DIAPH3: variants seen among roughly 807,000 people sequenced by gnomAD.
DIAPH3 encodes the protein diaphanous related formin 3.
DIAPH3 carries 117 observed loss-of-function variants against 144.3 expected under a neutral mutation model. The observed-to-expected ratio is 0.81, with a 90% CI of 0.70 to 0.95. DIAPH3 has a LOEUF of 0.95. DIAPH3 is among the 40% of genes least tolerant of loss of function. The pLI is 0.00. For synonymous variants in DIAPH3, 519 were observed against 488.9 expected, an observed-to-expected ratio of 1.06 and a Z score of -0.81; for missense variants, 1,421 against 1,412.7, an observed-to-expected ratio of 1.01 and a Z score of -0.09.
chr13:59,769,043 T>A (rs2037991779), intron 27 of DIAPH3, among the ~76,000 whole-genome samples: 1 of 152,056 alleles, frequency 6.6e-6, no homozygotes, highest in African/African-American at 2.4e-5. Context: ...GGAAAAAAAA[T>A]CCCACTGTAC....
chr13:60,000,605 T>A (rs946861652), intron 9 of DIAPH3, among the ~76,000 whole-genome samples: 15 of 152,264 alleles, frequency 9.9e-5, no homozygotes, highest in Admixed American at 5.9e-4. Flanking sequence ...GAACCCTGAA[T>A]GAAATTAAGT....
intron 24 of DIAPH3, among the ~76,000 whole-genome samples, chr13:59,829,331 G>T (rs536889726): frequency 1.3e-5 from 2 of 152,038 alleles, no homozygotes; most frequent in East Asian, 1.9e-4. Context: ...TTTCAAGCTA[G>T]TCCCGTTTGA....
At chr13:60,112,728 A>G (rs2058601525) in intron 2 of DIAPH3, among the ~76,000 whole-genome samples, 1 of 152,192 alleles carries the variant, frequency 6.6e-6, no homozygotes, top group Non-Finnish European at 1.5e-5. Flanking sequence ...GCTGGTCTGT[A>G]TGTGAACTTC....
At chr13:59,776,929 A>AAAAC (rs143031528) in intron 25 of DIAPH3, among the ~76,000 whole-genome samples, 26 of 146,284 alleles carry the variant, frequency 1.8e-4, no homozygotes, top group Admixed American at 4.0e-4. Flanking sequence ...TTAACAAAAC[A>AAAAC]AAACAAACAA....
intron 17 of DIAPH3, among the ~76,000 whole-genome samples, chr13:59,930,259 T>G (rs934714040): frequency 6.6e-6 from 1 of 152,170 alleles, no homozygotes; most frequent in Non-Finnish European, 1.5e-5. Context: ...GATACAATGC[T>G]AGACAAGATA....
At chr13:60,133,871 T>C (rs1031536155) in intron 1 of DIAPH3, among the ~76,000 whole-genome samples, 2 of 152,136 alleles carry the variant, frequency 1.3e-5, no homozygotes, top group Non-Finnish European at 2.9e-5. Flanking sequence ...ATTTTCTAAA[T>C]AGGAAACAAG....
chr13:59,895,445 A>AC (rs1411472092), intron 20 of DIAPH3, among the ~76,000 whole-genome samples: 65 of 115,868 alleles, frequency 5.6e-4, no homozygotes, highest in African/African-American at 3.0e-3. Flanking sequence ...AAAAAAAAAC[A>AC]AAAAAAAAAC....
At chr13:60,010,138 T>C (rs1428057716) in intron 8 of DIAPH3, among the ~76,000 whole-genome samples, 1 of 152,136 alleles carries the variant, frequency 6.6e-6, no homozygotes, top group Non-Finnish European at 1.5e-5. Context: ...AATCGTAATA[T>C]GTTTGCTTTT....
chr13:59,764,107 T>G (rs1832290342), intron 27 of DIAPH3, among the ~76,000 whole-genome samples: 1 of 151,938 alleles, frequency 6.6e-6, no homozygotes, highest in South Asian at 2.1e-4. Flanking sequence ...CATTTCCACT[T>G]TTTTCTCCTT....
rs549918358 is a variant in DIAPH3, at chr13:59,851,780, G to C, written c.2737+9627C>G. 7.3e-5 allele frequency among the ~76,000 whole-genome samples: 11 copies of C among 151,586 alleles called. No individual in the cohort carries two copies. The South Asian group carries it at 1.5e-3, about 20-fold the overall frequency. On this transcript the variant is annotated intron_variant, in intron 22 of 27. Transcript: ENST00000400324. ...TGATATTACACACATGCACCACCAC[G>C]CCCAGTTTTTTGTATTTTTAGTAGA...
At chr13:59,694,886 G>A (rs547452504) in intron 27 of DIAPH3, among the ~76,000 whole-genome samples, 3 of 152,078 alleles carry the variant, frequency 2.0e-5, no homozygotes, top group East Asian at 1.9e-4. Flanking sequence ...CAAAAAATAC[G>A]CAACCACCTG....
intron 3 of DIAPH3, among the ~76,000 whole-genome samples, chr13:60,111,176 A>T (rs952240207): frequency 6.6e-6 from 1 of 152,174 alleles, no homozygotes; most frequent in African/African-American, 2.4e-5. Context: ...TGAGTCCTCA[A>T]AGATAGTACT....
chr13:59,934,124 A>C (rs745769074), intron 17 of DIAPH3, among the ~76,000 whole-genome samples: 2 of 152,160 alleles, frequency 1.3e-5, no homozygotes, highest in African/African-American at 2.4e-5. Flanking sequence ...ATAGGCATAA[A>C]AGGTAATAAA....
chr13:59,701,698 C>G (rs1041198020), intron 27 of DIAPH3, among the ~76,000 whole-genome samples: 4 of 152,204 alleles, frequency 2.6e-5, no homozygotes, highest in Admixed American at 2.6e-4. Flanking sequence ...ATTAGATTCT[C>G]AAATGAATGG....
chr13:59,751,897 C>G (rs970550199), intron 27 of DIAPH3, among the ~76,000 whole-genome samples: 1 of 152,170 alleles, frequency 6.6e-6, no homozygotes, highest in African/African-American at 2.4e-5. Flanking sequence ...ATAAATTGGT[C>G]CAGTGCCACT....
At chr13:60,042,576 CAGTTTGT>C in intron 5 of DIAPH3, 107 bp downstream of exon 5, 1 of 1,246,940 alleles carries the variant, frequency 8.0e-7, no homozygotes, top group Non-Finnish European at 1.1e-6. Context: ...ATTAGGTATT[CAGTTTGT>C]ACTTTGAGAA....
In DIAPH3 at chr13:60,157,924, C is replaced by G. The variant is rs185731774; in HGVS notation, c.180+5663G>C. Among the ~76,000 whole-genome samples the G allele has an allele frequency of 9.9e-4, 151 of 152,212 alleles. 1 individual carries two copies. The highest frequency in any genetic ancestry group is 1.8e-3 in the Non-Finnish European group (120 of 68,010). On this transcript the variant is annotated intron_variant, in intron 1 of 27. Coordinates refer to ENST00000400324, the MANE Select transcript of DIAPH3 (RefSeq NM_001042517.2). The stretch of plus-strand genomic sequence containing the variant: ...CTCTACACACAGAATTTGGGGCTAC[C>G]CATTTGTGGCTCCTTCTCCTCTCCA...
intron 5 of DIAPH3, among the ~76,000 whole-genome samples, chr13:60,036,508 CAG>C (rs2055235080): frequency 6.6e-6 from 1 of 151,054 alleles, no homozygotes; most frequent in African/African-American, 2.4e-5. Flanking sequence ...GGAAAGAAAA[CAG>C]AGCTGCCTGC....
chr13:59,706,211 A>C (rs1055926271), intron 27 of DIAPH3, among the ~76,000 whole-genome samples: 1 of 152,166 alleles, frequency 6.6e-6, no homozygotes, highest in African/African-American at 2.4e-5. Flanking sequence ...AATAACAAGA[A>C]AAAAAGTCTG....
Sources: allele counts gnomAD v4.1 joint callset (sites outside exome capture counted in the v4.1 genomes callset), GRCh38; gene constraint gnomAD v4.1.1; transcripts MANE v1.5; gene names NCBI Gene and HGNC (gene_info 2026-07-23, HGNC 2026-07-21).